Variants in GLIS1 observed in about 807,000 individuals in gnomAD.
The protein encoded by GLIS1 is GLIS family zinc finger 1, also known as zinc finger protein GLIS1.
In GLIS1, 24 loss-of-function variants were observed where a neutral mutation model predicts 63.8. The observed-to-expected ratio is 0.38, with a 90% CI of 0.27 to 0.53. The LOEUF (loss-of-function observed/expected upper bound fraction) is 0.53, where lower values mean the gene tolerates loss of function less well. GLIS1 is among the 20% of genes least tolerant of loss of function. GLIS1 has a pLI of 0.85. For missense variants in GLIS1, 1,036 were observed against 1,074.1 expected (o/e 0.96, Z 0.50); for synonymous variants, 450 against 482.5 (o/e 0.93, Z 0.88).
Position 53,627,876 on chromosome 1 carries a change from A to G in GLIS1, c.260-27598T>C, listed in dbSNP as rs1645612219. 2.0e-5 allele frequency among the ~76,000 whole-genome samples: 3 copies of G among 152,162 alleles called. No homozygotes were observed. The South Asian group carries it at 6.2e-4, about 32-fold the overall frequency. On this transcript the variant is annotated intron_variant, in intron 2 of 10. Coordinates refer to ENST00000628545, the MANE Select transcript of GLIS1 (RefSeq NM_001367484.1). ...ATGCCAACCATGTGAAGAAGACACT[A>G]TTGTCCCCATTTTATGGATGAGGAC...
chr1:53,510,149 G>A (rs537416552), intron 8 of GLIS1, 122 bp from the exon 9 acceptor site: 44 of 452,112 alleles, frequency 9.7e-5, no homozygotes, highest in East Asian at 2.5e-4. Context: ...GACCTGCTCC[G>A]ACTTACAATA....
intron 4 of GLIS1, among the ~76,000 whole-genome samples, chr1:53,575,353 T>G (rs918286335): frequency 6.6e-6 from 1 of 152,104 alleles, no homozygotes; most frequent in African/African-American, 2.4e-5. Flanking sequence ...CAGTCCCCCA[T>G]CACCGGGCCC....
In GLIS1 at chr1:53,594,627, G is replaced by A; in HGVS notation, c.801C>T (p.Ser267=). 1.3e-6 allele frequency: 2 copies of A among 1,565,468 alleles called. No individual in the cohort carries two copies. The highest frequency in any genetic ancestry group is 1.8e-5 in the Admixed American group (1 of 55,728). Residue 267 remains serine (S), a synonymous_variant, in exon 4 of 11, where the codon TCC becomes TCT. Transcript: ENST00000628545. ...CACAGGTGACCAGAGACGTCTGGGA[G>A]GAGCGGATGATGGAGGTGACGTCGG... ...ASSDVTSIIR[S]SQTSLVTCVN... is the part of the protein sequence containing the mutation.
intron 2 of GLIS1, among the ~76,000 whole-genome samples, chr1:53,658,676 T>C (rs1645993171): frequency 6.6e-6 from 1 of 152,158 alleles, no homozygotes. Flanking sequence ...AGCTGCCCCT[T>C]GCACTCCCAC....
intron 2 of GLIS1, among the ~76,000 whole-genome samples, chr1:53,600,635 G>A (rs1414880703): frequency 5.9e-5 from 9 of 152,304 alleles, no homozygotes; most frequent in Admixed American, 2.0e-4. Context: ...TTATCCTCAC[G>A]TTAACCACAC....
intron 6 of GLIS1, among the ~76,000 whole-genome samples, chr1:53,521,747 C>G (rs1644411534): frequency 6.6e-6 from 1 of 152,226 alleles, no homozygotes. Context: ...AAATCTTTGG[C>G]CAACAACCCT....
At chr1:53,643,771 A>T (rs945591064) in intron 2 of GLIS1, among the ~76,000 whole-genome samples, 2 of 151,988 alleles carry the variant, frequency 1.3e-5, no homozygotes, top group African/African-American at 4.8e-5. Flanking sequence ...GTGGAGCAGC[A>T]CCCCCGGGGT....
At position 53,509,937 on chromosome 1, in the gene GLIS1, C is replaced by T. The variant is rs769152082; in HGVS notation, c.1974G>A (p.Pro658=). ...PLPPSSQSHS[P]GGQPFPTLPS... ...GGAGTGTGGGGAAGGGCTGGCCCCC[C>T]GGAGAATGGCTCTGAGAGGATGGGG... is the stretch of plus-strand genomic sequence containing the variant. The change falls in exon 9 of 11, where the codon CCG becomes CCA. Residue 658 remains proline (P), a synonymous_variant. Coordinates refer to ENST00000628545, the MANE Select transcript of GLIS1 (RefSeq NM_001367484.1). The T allele has an allele frequency of 3.5e-5, 45 of 1,303,904 alleles. No homozygotes were observed. Among genetic ancestry groups the T allele is most frequent in the Admixed American group, 9.5e-5 (3 of 31,538 alleles). The allele number at this position is 1,303,904 out of a possible 1,614,324, so 80.8% of individuals were successfully genotyped here. A position where few individuals can be genotyped will look rare whatever the true frequency, so the allele number is the denominator to read the frequency against.
chr1:53,553,905 G>C (rs1644789571), intron 4 of GLIS1, among the ~76,000 whole-genome samples: 1 of 152,178 alleles, frequency 6.6e-6, no homozygotes, highest in Non-Finnish European at 1.5e-5. Flanking sequence ...GGGTGCTGCA[G>C]CTCAGACAGT....
intron 2 of GLIS1, among the ~76,000 whole-genome samples, chr1:53,733,372 A>G (rs937663186): frequency 1.3e-5 from 2 of 152,220 alleles, no homozygotes; most frequent in African/African-American, 2.4e-5. Flanking sequence ...TAAATCACAG[A>G]TGGAGCAACA....
At chr1:53,618,005 T>A (rs1645500508) in intron 2 of GLIS1, among the ~76,000 whole-genome samples, 1 of 152,226 alleles carries the variant, frequency 6.6e-6, no homozygotes, top group Admixed American at 6.5e-5. Context: ...ATATGGTTCC[T>A]TTGAAAGCTC....
At chr1:53,628,752 G>C (rs533121900) in intron 2 of GLIS1, among the ~76,000 whole-genome samples, 2 of 152,216 alleles carry the variant, frequency 1.3e-5, no homozygotes, top group Non-Finnish European at 1.5e-5. Flanking sequence ...ACTCAAATGT[G>C]ATACAAAACC....
chr1:53,543,686 T>C (rs17108702), intron 4 of GLIS1, among the ~76,000 whole-genome samples: 1,566 of 152,058 alleles, frequency 0.01, 24 homozygotes, highest in African/African-American at 0.033. Context: ...CACTGGTCTC[T>C]CTTAAAACCC....
At chr1:53,717,442 T>C (rs1646712324) in intron 2 of GLIS1, among the ~76,000 whole-genome samples, 2 of 152,200 alleles carry the variant, frequency 1.3e-5, no homozygotes, top group Non-Finnish European at 2.9e-5. Flanking sequence ...CAGAAAATTA[T>C]GGGGCTAAAC....
At chr1:53,738,344 G>C (rs1464471255) in intron 1 of GLIS1, among the ~76,000 whole-genome samples, 2 of 152,152 alleles carry the variant, frequency 1.3e-5, no homozygotes, top group Non-Finnish European at 2.9e-5. Context: ...CCCCCGCGCC[G>C]CGGCGCATTA....
chr1:53,568,533 G>A (rs1644955567), intron 4 of GLIS1, among the ~76,000 whole-genome samples: 1 of 152,120 alleles, frequency 6.6e-6, no homozygotes, highest in Non-Finnish European at 1.5e-5. Context: ...TTTGGGAGGT[G>A]CAGGGGTGGA....
chr1:53,506,566 T>C lies in GLIS1; in HGVS notation c.*53A>G, dbSNP rs867023163. On this transcript the variant is annotated 3_prime_UTR_variant, in exon 11 of 11. Transcript: ENST00000628545. ...CACGGAGGGTGGGAGCGACAGCAGGTGGGCGAGGTGGCATCTGCAGTGCTG... is the reference window on the plus strand; with the variant it reads ...CACGGAGGGTGGGAGCGACAGCAGGCGGGCGAGGTGGCATCTGCAGTGCTG... 20 of 1,580,006 alleles carry C rather than the reference T, an allele frequency of 1.3e-5. 1 individual carries two copies. In the Middle Eastern group the frequency reaches 1.4e-3, roughly 108 times the overall value.
chr1:53,685,612 T>TC (rs1278762630), intron 2 of GLIS1, among the ~76,000 whole-genome samples: 1 of 150,890 alleles, frequency 6.6e-6, no homozygotes, highest in Non-Finnish European at 1.5e-5. Flanking sequence ...TTGTGTTTTT[T>TC]CCCCTCTCTT....
chr1:53,644,828 A>G (rs1438690339), intron 2 of GLIS1, among the ~76,000 whole-genome samples: 4 of 152,210 alleles, frequency 2.6e-5, no homozygotes, highest in Admixed American at 6.5e-5. Flanking sequence ...TCACTCCACA[A>G]CAGCAAGTAT....
Sources: gnomAD v4.1 joint callset for allele counts (sites outside exome capture counted in the v4.1 genomes callset) on GRCh38, gnomAD v4.1.1 for gene constraint, MANE v1.5 for transcripts, NCBI Gene and HGNC (gene_info 2026-07-23, HGNC 2026-07-21) for gene names.